Variants in ACBD6 observed in about 807,000 individuals in gnomAD.
The protein encoded by ACBD6 is acyl-CoA binding domain containing 6, also known as acyl-CoA-binding domain-containing protein 6.
Under a neutral mutation model 37.2 loss-of-function variants are expected in ACBD6, and 28 were observed. The ratio of observed to expected loss-of-function variants is 0.75; its 90% CI spans 0.56 to 1.03. ACBD6 has a LOEUF of 1.03. ACBD6 is among the 50% of genes least tolerant of loss of function. The pLI, the probability that ACBD6 is intolerant of heterozygous loss-of-function variation, is 0.00. For missense variants in ACBD6, 340 were observed against 337.4 expected, an observed-to-expected ratio of 1.01 and a Z score of -0.06; for synonymous variants, 113 against 126.8, an observed-to-expected ratio of 0.89 and a Z score of 0.73.
At chr1:180,310,809 C>T (rs905395403) in intron 7 of ACBD6, among the ~76,000 whole-genome samples, 1 of 152,196 alleles carries the variant, frequency 6.6e-6, no homozygotes, top group African/African-American at 2.4e-5. Context: ...TGTTGTTCTA[C>T]AGCCTAATAT....
At chr1:180,489,947 C>T (rs1651428248) in intron 3 of ACBD6, among the ~76,000 whole-genome samples, 1 of 152,220 alleles carries the variant, frequency 6.6e-6, no homozygotes, top group African/African-American at 2.4e-5. Flanking sequence ...GCGTGAGCCA[C>T]TGTGCTTGGC....
chr1:180,485,074 C>CAAAA (rs61286766), intron 3 of ACBD6, among the ~76,000 whole-genome samples: 1 of 92,164 alleles, frequency 1.1e-5, no homozygotes. Flanking sequence ...GACTCTGTCT[C>CAAAA]AAAAAAAAAA....
At chr1:180,288,169 A>T, downstream of ACBD6, 1 of 685,114 alleles carries the variant, frequency 1.5e-6, no homozygotes, top group Non-Finnish European at 2.4e-6. Flanking sequence ...ACACATGTTC[A>T]TCACCAAAAC....
chr1:180,368,937 G>A (rs957401061), intron 6 of ACBD6, among the ~76,000 whole-genome samples: 4 of 152,124 alleles, frequency 2.6e-5, no homozygotes, highest in Non-Finnish European at 4.4e-5. Flanking sequence ...ACACAGTGAG[G>A]ACTAGATTTA....
exon 14 of ACBD6, chr1:180,271,465 C>T: frequency 6.2e-7 from 1 of 1,614,168 alleles, no homozygotes; most frequent in Non-Finnish European, 8.5e-7. Context: ...ACAAGAACTC[C>T]CCCAAGCCTG....
intron 2 of ACBD6, among the ~76,000 whole-genome samples, chr1:180,492,986 C>A (rs1377115963): frequency 1.3e-5 from 2 of 151,978 alleles, no homozygotes; most frequent in Non-Finnish European, 2.9e-5. Context: ...TGGTGGCTCA[C>A]GCCTGTAATC....
intron 3 of ACBD6, among the ~76,000 whole-genome samples, chr1:180,458,459 A>G (rs1650006300): frequency 6.6e-6 from 1 of 152,224 alleles, no homozygotes; most frequent in African/African-American, 2.4e-5. Flanking sequence ...GTCATATAAT[A>G]CAGATAAGAA....
intron 3 of ACBD6, among the ~76,000 whole-genome samples, chr1:180,437,942 T>G (rs1649117850): frequency 6.6e-6 from 1 of 152,066 alleles, no homozygotes; most frequent in South Asian, 2.1e-4. Flanking sequence ...CACAGAATGT[T>G]AGAGTAGGGG....
At position 180,416,253 on chromosome 1, in the gene ACBD6, T is replaced by C. The variant is rs557612263; in HGVS notation, c.468-2782A>G. 2.6e-5 allele frequency among the ~76,000 whole-genome samples: 4 copies of C among 152,266 alleles called. No individual in the cohort carries two copies. The South Asian group carries it at 8.3e-4, about 32-fold the overall frequency. On this transcript the variant is annotated intron_variant, in intron 4 of 7. Coordinates refer to ENST00000367595, the MANE Select transcript of ACBD6 (RefSeq NM_032360.4). ...ACAGCAATATCATTCCATATTTCCT[T>C]TCTTGCCCCCTAAAATTATGTACAA...
chr1:180,440,549 A>G (rs1480340551), intron 3 of ACBD6, among the ~76,000 whole-genome samples: 2 of 152,150 alleles, frequency 1.3e-5, no homozygotes, highest in African/African-American at 4.8e-5. Context: ...GTTCCACAAC[A>G]TATTTGTTAT....
intron 3 of ACBD6, among the ~76,000 whole-genome samples, chr1:180,455,218 A>G (rs1006382982): frequency 6.6e-6 from 1 of 152,182 alleles, no homozygotes; most frequent in Admixed American, 6.5e-5. Context: ...CATGTCCTTT[A>G]CAGGGACATG....
At chr1:180,447,220 T>C (rs1455689414) in intron 3 of ACBD6, among the ~76,000 whole-genome samples, 1 of 152,208 alleles carries the variant, frequency 6.6e-6, no homozygotes, top group South Asian at 2.1e-4. Flanking sequence ...ATTTTTTGTA[T>C]ATATACTACA....
chr1:180,458,654 G>GT (rs1441590315), intron 3 of ACBD6, among the ~76,000 whole-genome samples: 2 of 152,024 alleles, frequency 1.3e-5, no homozygotes, highest in Non-Finnish European at 2.9e-5. Context: ...AGAAAACAGC[G>GT]TGAGTTAAAA....
chr1:180,371,369 C>G (rs953459736), intron 6 of ACBD6, among the ~76,000 whole-genome samples: 1 of 152,058 alleles, frequency 6.6e-6, no homozygotes, highest in Non-Finnish European at 1.5e-5. Flanking sequence ...GATTGTTTTT[C>G]TCCTAACTCC....
chr1:180,476,394 T>A (rs944795801), intron 3 of ACBD6, among the ~76,000 whole-genome samples: 1 of 149,236 alleles, frequency 6.7e-6, no homozygotes, highest in Non-Finnish European at 1.5e-5. Context: ...ATGGGTTAAA[T>A]TTTTTTTTTT....
chr1:180,412,759 G>A (rs1441951964), intron 5 of ACBD6, among the ~76,000 whole-genome samples: 1 of 152,116 alleles, frequency 6.6e-6, no homozygotes, highest in Non-Finnish European at 1.5e-5. Flanking sequence ...CTGGCTACTT[G>A]GGAGGCTGAG....
At chr1:180,399,989 T>C (rs1647284286) in intron 5 of ACBD6, among the ~76,000 whole-genome samples, 1 of 152,134 alleles carries the variant, frequency 6.6e-6, no homozygotes, top group Non-Finnish European at 1.5e-5. Context: ...ATAATATGTC[T>C]TGTACTTTTA....
chr1:180,365,880 T>C (rs1416340978), intron 6 of ACBD6, among the ~76,000 whole-genome samples: 1 of 152,224 alleles, frequency 6.6e-6, no homozygotes, highest in Non-Finnish European at 1.5e-5. Flanking sequence ...TTCCCATCTT[T>C]CAGGCATTAA....
chr1:180,314,808 T>C, intron 6 of ACBD6, 86 bp from the exon 7 acceptor site: 1 of 1,002,722 alleles, frequency 1.0e-6, no homozygotes, highest in Non-Finnish European at 1.6e-6. Context: ...ATTTATCTGA[T>C]ATACCAAAGT....
Sources: gnomAD v4.1 joint callset for allele counts (sites outside exome capture counted in the v4.1 genomes callset) on GRCh38, gnomAD v4.1.1 for gene constraint, MANE v1.5 for transcripts, NCBI Gene and HGNC (gene_info 2026-07-23, HGNC 2026-07-21) for gene names.